SCAP: variants seen among roughly 807,000 people sequenced by gnomAD.
SCAP encodes the protein sterol regulatory element-binding protein cleavage-activating protein.
In SCAP, 65 loss-of-function variants were observed where a neutral mutation model predicts 123.6. The observed-to-expected ratio is 0.53, with a 90% CI of 0.43 to 0.65. SCAP has a LOEUF of 0.65. Among genes scored for constraint, SCAP ranks in the 30% least tolerant of loss-of-function variants. The pLI is 0.00. For missense variants in SCAP, 1,398 were observed against 1,712.5 expected, an observed-to-expected ratio of 0.82 and a Z score of 3.24; for synonymous variants, 740 against 726.3, an observed-to-expected ratio of 1.02 and a Z score of -0.30.
At position 47,448,197 on chromosome 3, in the gene SCAP, CAT is replaced by C. The variant is rs1435770566; in HGVS notation, c.-98-5108_-98-5107del. ...ATAGTTTTCAGCATACATGACTGTACATGTTTTGTTAGATTTATACCTACCAT... is the reference window on the plus strand; with the variant it reads ...ATAGTTTTCAGCATACATGACTGTACGTTTTGTTAGATTTATACCTACCAT... On this transcript the variant is annotated intron_variant, in intron 1 of 22. Transcript: ENST00000265565. Among the ~76,000 whole-genome samples the C allele has an allele frequency of 3.9e-5, 6 of 152,172 alleles. 1 individual carries two copies. The highest frequency in any genetic ancestry group is 3.9e-4 in the East Asian group (2 of 5,178).
At position 47,419,597 on chromosome 3, in the gene SCAP, G is replaced by A. The variant is rs770012235; in HGVS notation, c.1671C>T (p.Ala557=). Residue 557 remains alanine (A), a synonymous_variant, in exon 13 of 23, where the codon GCC becomes GCT. Coordinates refer to ENST00000265565, the MANE Select transcript of SCAP (RefSeq NM_012235.4). The surrounding 1 kb of genome is among the most constrained non-coding windows in gnomAD (Gnocchi z 5.0). ...CACTAGGCACGGGCATGGGAGCCAG[G>A]GCTCCCTCACCCAATGGGCTCTGTT... ...VTEQSPLGEG[A]LAPMPVPSGM... 2 of 1,606,622 alleles carry A rather than the reference G, an allele frequency of 1.2e-6. No homozygotes were observed. Among genetic ancestry groups the A allele is most frequent in the Non-Finnish European group, 1.7e-6 (2 of 1,175,842 alleles).
At position 47,460,268 on chromosome 3, in the gene SCAP, A is replaced by G. The variant is rs139953069; in HGVS notation, c.-99+15531T>C. On this transcript the variant is annotated intron_variant, in intron 1 of 22. Transcript: ENST00000265565. ...CGTACATCCTCAGCTTACGAAGATAACAGGATTAAGAGATTAAAGTAAGAC... is the reference window on the plus strand; with the variant it reads ...CGTACATCCTCAGCTTACGAAGATAGCAGGATTAAGAGATTAAAGTAAGAC... 9.2e-4 allele frequency among the ~76,000 whole-genome samples: 140 copies of G among 152,360 alleles called. 1 individual carries two copies. In the East Asian group the frequency reaches 0.024, roughly 26 times the overall value.
intron 1 of SCAP, among the ~76,000 whole-genome samples, chr3:47,446,885 A>G (rs1010024017): frequency 6.6e-6 from 1 of 152,176 alleles, no homozygotes; most frequent in African/African-American, 2.4e-5. Context: ...TTGAGGCTGC[A>G]ATGAGCTATG....
chr3:47,414,431 C>T (rs1229702280), intron 21 of SCAP, 45 bp from the exon 22 acceptor site: 5 of 1,607,874 alleles, frequency 3.1e-6, no homozygotes, highest in Middle Eastern at 1.7e-4. Flanking sequence ...GGTGTAATAC[C>T]TCTGTCAACA....
chr3:47,444,819 TGGAGTGCAGTGGCA>T (rs1706964945), intron 1 of SCAP, among the ~76,000 whole-genome samples: 2 of 150,958 alleles, frequency 1.3e-5, no homozygotes, highest in African/African-American at 4.9e-5. Flanking sequence ...TTGCCCAGGC[TGGAGTGCAGTGGCA>T]CAATCTTGGC....
intron 1 of SCAP, among the ~76,000 whole-genome samples, chr3:47,468,400 A>G (rs1336340648): frequency 6.6e-6 from 1 of 152,096 alleles, no homozygotes; most frequent in Non-Finnish European, 1.5e-5. Flanking sequence ...TGACTTTTTA[A>G]TGATCCCCAT....
intron 2 of SCAP, among the ~76,000 whole-genome samples, chr3:47,435,544 C>T (rs1040940376): frequency 2.0e-5 from 3 of 146,744 alleles, no homozygotes; most frequent in African/African-American, 7.7e-5. Context: ...GCCACTACAT[C>T]CAGGTAATTT....
At chr3:47,464,306 G>A (rs1441917449) in intron 1 of SCAP, among the ~76,000 whole-genome samples, 1 of 151,976 alleles carries the variant, frequency 6.6e-6, no homozygotes, top group African/African-American at 2.4e-5. Context: ...GTGAGCCACT[G>A]CACCAGGCTT....
rs1559557119 is a variant in SCAP, at chr3:47,443,304, TCTC to T, written c.-98-216_-98-214del. The stretch of plus-strand genomic sequence containing the variant: ...CTCTCTCTCTCTCTCTCTCTCTCTC[TCTC>T]TCTCCCTCCCCGCCCAACTCCCTCC... On this transcript the variant is annotated intron_variant, in intron 1 of 22. Transcript: ENST00000265565. The T allele has an allele frequency of 6.8e-3, 1,302 of 191,012 alleles. 27 individuals are homozygous for T. The highest frequency in any genetic ancestry group is 0.024 in the African/African-American group (856 of 35,736). 11.8% of individuals were successfully genotyped at this position (191,012 alleles called of 1,614,324 possible). A position where few individuals can be genotyped will look rare whatever the true frequency, so the allele number is the denominator to read the frequency against.
At chr3:47,423,871 G>A (rs1706013929) in intron 9 of SCAP, 62 bp downstream of exon 9, 1 of 1,176,992 alleles carries the variant, frequency 8.5e-7, no homozygotes, top group Admixed American at 1.7e-5. Flanking sequence ...TTAACAGCAA[G>A]AGGAACAGGC....
intron 3 of SCAP, among the ~76,000 whole-genome samples, chr3:47,432,316 A>G (rs1301853954): frequency 6.5e-3 from 10 of 1,538 alleles, no homozygotes; most frequent in Non-Finnish European, 0.052. Flanking sequence ...TCCGTCTTGA[A>G]AAAAAAAAAA....
chr3:47,447,298 C>T lies in SCAP; in HGVS notation c.-98-4207G>A, dbSNP rs117610268. On this transcript the variant is annotated intron_variant, in intron 1 of 22. Transcript: ENST00000265565. The stretch of plus-strand genomic sequence containing the variant: ...CACTTGTAATCCCAGCTACTTGGTA[C>T]GCTGAGAATCACCTGAACCCAGAAA... Among the ~76,000 whole-genome samples, 247 of 151,662 alleles carry T rather than the reference C, an allele frequency of 1.6e-3. 6 individuals are homozygous for T. In the East Asian group the frequency reaches 0.04, roughly 24 times the overall value.
intron 1 of SCAP, among the ~76,000 whole-genome samples, chr3:47,471,243 AAAAAT>A (rs1172312698): frequency 3.9e-5 from 6 of 152,334 alleles, no homozygotes; most frequent in Non-Finnish European, 7.3e-5. Context: ...CAACAGTATA[AAAAAT>A]AAAATAAAAT....
At position 47,420,919 on chromosome 3, in the gene SCAP, G is replaced by C. The variant is rs368681594; in HGVS notation, c.1344+12C>G. 1 of 1,611,536 alleles carries C rather than the reference G, an allele frequency of 6.2e-7. No individual in the cohort carries two copies. Among genetic ancestry groups the C allele is most frequent in the East Asian group, 2.2e-5 (1 of 44,850 alleles). On this transcript the variant is annotated intron_variant, in intron 11 of 22. Coordinates refer to ENST00000265565, the MANE Select transcript of SCAP (RefSeq NM_012235.4). This position sits in a 1 kb window ranked among gnomAD's most constrained non-coding sequence, Gnocchi z 5.0. ...GAGGAGGCGGGCAGGGCAGGGCTCA[G>C]CCCACTCCTACCTCCATCCGGCGAA... is the stretch of plus-strand genomic sequence containing the variant.
At chr3:47,456,470 T>C (rs1707427442) in intron 1 of SCAP, among the ~76,000 whole-genome samples, 1 of 151,772 alleles carries the variant, frequency 6.6e-6, no homozygotes, top group Admixed American at 6.6e-5. Context: ...ATATGAAATA[T>C]AAAAATTACT....
At chr3:47,434,372 A>G (rs1706485460) in intron 3 of SCAP, among the ~76,000 whole-genome samples, 1 of 152,196 alleles carries the variant, frequency 6.6e-6, no homozygotes, top group Non-Finnish European at 1.5e-5. Flanking sequence ...TCAAGCTTCA[A>G]TGAGCTCCAA....
In SCAP at chr3:47,417,967, A is replaced by AGAGGGGGGTACGGGGTGGTGG. The variant is rs1187169355; in HGVS notation, c.2447+146_2448-142dup. On this transcript the variant is annotated intron_variant, in intron 16 of 22. Coordinates refer to ENST00000265565, the MANE Select transcript of SCAP (RefSeq NM_012235.4). Reference sequence around the variant, plus strand: ...GGGGAGAGGGTGGTGCGGGGTGGGGAGAGGGGGGTACGGGGTGGTGGGAGG... The same window carrying AGAGGGGGGTACGGGGTGGTGG: ...GGGGAGAGGGTGGTGCGGGGTGGGGAGAGGGGGGTACGGGGTGGTGGGAGGGGGGTACGGGGTGGTGGGAGG... 3.2e-5 allele frequency: 9 copies of AGAGGGGGGTACGGGGTGGTGG among 285,038 alleles called. No individual in the cohort carries two copies. The East Asian group carries it at 3.5e-4, about 11-fold the overall frequency. The allele number at this position is 285,038 out of a possible 1,614,324, so 17.7% of individuals were successfully genotyped here.
chr3:47,419,445 T>C lies in SCAP; in HGVS notation c.1823A>G (p.His608Arg), dbSNP rs1469153382. 1 of 1,613,840 alleles carries C rather than the reference T, an allele frequency of 6.2e-7. No homozygotes were observed. ...GGTTACCTCTGGGACTGGGCTGTCA[T>C]GGACAACCTCTGCTGGACCTCCACG... ...PERGGPAEVV[H>R]DSPVPEVTWG... The change falls in exon 13 of 23, where the codon CAT (histidine) becomes CGT (arginine). Residue 608 changes from histidine (H) to arginine (R), a missense_variant. By Grantham distance (29) the His-to-Arg change is conservative. Around this residue, in one of 7 missense-constraint regions of SCAP, gnomAD observed 828 missense variants for 882.5 expected, o/e 0.94. Coordinates refer to ENST00000265565, the MANE Select transcript of SCAP (RefSeq NM_012235.4). This position sits in a 1 kb window ranked among gnomAD's most constrained non-coding sequence, Gnocchi z 5.0.
At chr3:47,476,222 G>A (rs1400805607), upstream of SCAP, 1 of 152,242 alleles carries the variant, frequency 6.6e-6, no homozygotes, top group African/African-American at 2.4e-5. Context: ...CAACACTGTG[G>A]GAGTCCAAGG....
Sources: gnomAD v4.1 joint callset for allele counts (sites outside exome capture counted in the v4.1 genomes callset) on GRCh38, gnomAD v4.1.1 for gene constraint, gnomAD v4.1.1 regional missense constraint, Gnocchi (gnomAD v3.1) non-coding constraint, MANE v1.5 for transcripts, NCBI Gene and HGNC (gene_info 2026-07-23, HGNC 2026-07-21) for gene names.